Variants in MTMR14 observed in about 807,000 individuals in gnomAD.
The protein encoded by MTMR14 is phosphatidylinositol-3,5-bisphosphate 3-phosphatase MTMR14.
MTMR14 carries 48 observed loss-of-function variants against 86.3 expected under a neutral mutation model. The observed-to-expected ratio is 0.56, with a 90% CI of 0.44 to 0.71. The LOEUF (loss-of-function observed/expected upper bound fraction) is 0.71. Among genes scored for constraint, MTMR14 ranks in the 30% least tolerant of loss-of-function variants. The pLI is 0.00. For missense variants in MTMR14, 780 were observed against 834.6 expected (o/e 0.93, Z 0.81); for synonymous variants, 366 against 326.1 (o/e 1.12, Z -1.32).
chr3:9,685,448 T>C (rs933801687), intron 13 of MTMR14, among the ~76,000 whole-genome samples: 9 of 152,128 alleles, frequency 5.9e-5, no homozygotes, highest in African/African-American at 2.2e-4. Context: ...CGCGGGCCTG[T>C]GCTGTGGAGA....
chr3:9,701,678 C>T lies in MTMR14; in HGVS notation c.1770-112C>T. 1 of 1,280,064 alleles carries T rather than the reference C, an allele frequency of 7.8e-7. No homozygotes were observed. The highest frequency in any genetic ancestry group is 1.1e-6 in the Non-Finnish European group (1 of 895,960). The allele number at this position is 1,280,064 out of a possible 1,614,324, so 79.3% of individuals were successfully genotyped here. On this transcript the variant is annotated intron_variant, in intron 18 of 18. Coordinates refer to ENST00000296003, the MANE Select transcript of MTMR14 (RefSeq NM_001077525.3). This position sits in a 1 kb window ranked among gnomAD's most constrained non-coding sequence, Gnocchi z 4.2. ...GCATGGCCGTAGGACAGACACTGGCCTTGTACAGTCAGAAGAAGCACAAGG... is the reference window on the plus strand; with the variant it reads ...GCATGGCCGTAGGACAGACACTGGCTTTGTACAGTCAGAAGAAGCACAAGG...
At position 9,701,581 on chromosome 3, in the gene MTMR14, T is replaced by G; in HGVS notation, c.1770-209T>G. Reference sequence around the variant, plus strand: ...AAGCTCCTGCTCTAGGTGGGAACAGTAGCCTGAGGGCTTAGAGGAATGGTT... The same window carrying G: ...AAGCTCCTGCTCTAGGTGGGAACAGGAGCCTGAGGGCTTAGAGGAATGGTT... On this transcript the variant is annotated intron_variant, in intron 18 of 18. Coordinates refer to ENST00000296003, the MANE Select transcript of MTMR14 (RefSeq NM_001077525.3). The surrounding 1 kb of genome is among the most constrained non-coding windows in gnomAD (Gnocchi z 4.2). 4 of 634,510 alleles carry G rather than the reference T, an allele frequency of 6.3e-6. No individual in the cohort carries two copies. The East Asian group carries it at 1.1e-4, about 18-fold the overall frequency. The allele number at this position is 634,510 out of a possible 1,614,324, so 39.3% of individuals were successfully genotyped here.
At chr3:9,665,572 G>A (rs375646753) in intron 3 of MTMR14, among the ~76,000 whole-genome samples, 3 of 152,158 alleles carry the variant, frequency 2.0e-5, no homozygotes, top group South Asian at 2.1e-4. Flanking sequence ...TCTAAACCCC[G>A]CTTACACAAT....
At chr3:9,666,110 C>T (rs1221936507) in intron 3 of MTMR14, among the ~76,000 whole-genome samples, 1 of 149,068 alleles carries the variant, frequency 6.7e-6, no homozygotes, top group African/African-American at 2.5e-5. Context: ...CCACGTTTCC[C>T]TTAAAATGCC....
intron 7 of MTMR14, among the ~76,000 whole-genome samples, chr3:9,676,598 T>C (rs2075586723): frequency 6.6e-6 from 1 of 152,238 alleles, no homozygotes; most frequent in Non-Finnish European, 1.5e-5. Context: ...AATCAAGGCT[T>C]AGAGACATTA....
chr3:9,665,001 C>T (rs904724322), intron 3 of MTMR14, among the ~76,000 whole-genome samples: 3 of 151,898 alleles, frequency 2.0e-5, no homozygotes, highest in African/African-American at 7.3e-5. Context: ...ATCAAAATAT[C>T]GGCCGGGCAC....
intron 16 of MTMR14, 133 bp downstream of exon 16, chr3:9,689,215 T>A: frequency 7.3e-7 from 1 of 1,368,496 alleles, no homozygotes; most frequent in Non-Finnish European, 1.0e-6. Context: ...TCCGTGCTCC[T>A]GCTGTCTCTA....
At chr3:9,675,585 T>C (rs1297223248) in intron 7 of MTMR14, 1 of 457,370 alleles carries the variant, frequency 2.2e-6, no homozygotes, top group East Asian at 6.9e-5. Context: ...ACAAATCTAA[T>C]TTGTTTCCTC....
At chr3:9,667,509 G>A (rs2048321633) in intron 3 of MTMR14, among the ~76,000 whole-genome samples, 1 of 152,030 alleles carries the variant, frequency 6.6e-6, no homozygotes, top group Admixed American at 6.5e-5. Flanking sequence ...CCCACAGAAA[G>A]TTAAGTGGCC....
intron 13 of MTMR14, among the ~76,000 whole-genome samples, chr3:9,686,977 A>G (rs551136215): frequency 6.6e-6 from 1 of 152,334 alleles, no homozygotes; most frequent in South Asian, 2.1e-4. Flanking sequence ...TGACCCTCAC[A>G]GCTCCTCAGC....
chr3:9,686,809 C>A (rs1383450996), intron 13 of MTMR14, among the ~76,000 whole-genome samples: 2 of 152,176 alleles, frequency 1.3e-5, no homozygotes, highest in Non-Finnish European at 2.9e-5. Flanking sequence ...ATGGGCCAGG[C>A]CTTTGGGAAT....
At chr3:9,672,624 G>A in intron 6 of MTMR14, 61 bp from the exon 7 acceptor site, 1 of 1,380,636 alleles carries the variant, frequency 7.2e-7, no homozygotes, top group Non-Finnish European at 1.0e-6. Flanking sequence ...CTTATTTGGG[G>A]AATGGTGTGT....
In MTMR14 at chr3:9,649,770, G is replaced by A. The variant is rs533641003; in HGVS notation, c.159+28G>A. 1.9e-6 allele frequency: 3 copies of A among 1,612,404 alleles called. No homozygotes were observed. The East Asian group carries it at 6.7e-5, about 36-fold the overall frequency. ...GAGATTGGAGGTGCGATGAGCTGGG[G>A]AAGGCTCCTAACTTGGGAAGTTACA... On this transcript the variant is annotated intron_variant, in intron 1 of 18. Coordinates refer to ENST00000296003, the MANE Select transcript of MTMR14 (RefSeq NM_001077525.3).
At chr3:9,687,226 G>C (rs1394907460) in intron 13 of MTMR14, among the ~76,000 whole-genome samples, 3 of 152,116 alleles carry the variant, frequency 2.0e-5, no homozygotes, top group Non-Finnish European at 2.9e-5. Context: ...TTAACCACTT[G>C]AGAACACACA....
chr3:9,659,809 G>T (rs1434590483), intron 2 of MTMR14: 1 of 456,776 alleles, frequency 2.2e-6, no homozygotes, highest in Admixed American at 2.3e-5. Flanking sequence ...AACAAGAAAA[G>T]GTGGGTCATT....
intron 13 of MTMR14, among the ~76,000 whole-genome samples, chr3:9,686,820 C>T (rs2075974132): frequency 6.6e-6 from 1 of 152,204 alleles, no homozygotes; most frequent in African/African-American, 2.4e-5. Context: ...CTTTGGGAAT[C>T]ACCACAGAAA....
chr3:9,692,487 C>T (rs1359492004), intron 17 of MTMR14, among the ~76,000 whole-genome samples: 2 of 152,218 alleles, frequency 1.3e-5, no homozygotes, highest in Non-Finnish European at 2.9e-5. Context: ...CTCTCATCAG[C>T]GACAGGGTTG....
At chr3:9,683,903 T>G (rs1472704165) in intron 10 of MTMR14, among the ~76,000 whole-genome samples, 1 of 152,244 alleles carries the variant, frequency 6.6e-6, no homozygotes, top group Non-Finnish European at 1.5e-5. Flanking sequence ...CCCGCCATCT[T>G]AGCTCCCCCA....
intron 3 of MTMR14, among the ~76,000 whole-genome samples, chr3:9,662,945 G>T (rs1019962398): frequency 1.3e-5 from 2 of 152,110 alleles, no homozygotes; most frequent in Non-Finnish European, 2.9e-5. Context: ...TACGGGATGT[G>T]CCCATTTCAT....
Sources: allele counts gnomAD v4.1 joint callset (sites outside exome capture counted in the v4.1 genomes callset), GRCh38; gene constraint gnomAD v4.1.1; non-coding constraint Gnocchi (gnomAD v3.1); transcripts MANE v1.5; gene names NCBI Gene and HGNC (gene_info 2026-07-23, HGNC 2026-07-21).